The following LRBA variants were observed in gnomAD, a reference collection of about 807,000 sequenced individuals.
The protein encoded by LRBA is LPS responsive beige-like anchor protein.
A neutral mutation model predicts 330.0 loss-of-function variants in LRBA; 176 were observed. The observed-to-expected ratio is 0.53, with a 90% CI of 0.47 to 0.60. LRBA has a LOEUF of 0.60. LRBA is among the 20% of genes least tolerant of loss of function. The pLI is 0.00. For missense variants in LRBA, 3,259 were observed against 3,444.8 expected (o/e 0.95, Z 1.35); for synonymous variants, 1,230 against 1,193.0 (o/e 1.03, Z -0.64).
chr4:150,911,806 G>A (rs970121470), intron 9 of LRBA, among the ~76,000 whole-genome samples: 5 of 152,154 alleles, frequency 3.3e-5, no homozygotes, highest in Non-Finnish European at 7.4e-5. Context: ...ATTCTCCAGT[G>A]AAGCCATCTA....
chr4:150,576,121 T>A lies in LRBA; in HGVS notation c.6330+11927A>T, dbSNP rs1770506112. 2.7e-5 allele frequency among the ~76,000 whole-genome samples: 4 copies of A among 149,182 alleles called. No homozygotes were observed. The South Asian group carries it at 8.4e-4, about 31-fold the overall frequency. Reference sequence around the variant, plus strand: ...TCAAAGTTATTTGGCAGGTAAAATTTAATATTTATCTAATAGTACATTAAT... The same window carrying A: ...TCAAAGTTATTTGGCAGGTAAAATTAAATATTTATCTAATAGTACATTAAT... On this transcript the variant is annotated intron_variant, in intron 40 of 56. Transcript: ENST00000651943.
chr4:150,915,505 TA>T, intron 8 of LRBA, 102 bp downstream of exon 8: 1 of 1,001,310 alleles, frequency 1.0e-6, no homozygotes, highest in Non-Finnish European at 1.4e-6. Context: ...TCTACCATTG[TA>T]ATACTTTGAA....
chr4:150,413,905 C>T (rs1339188715), intron 47 of LRBA, among the ~76,000 whole-genome samples: 2 of 152,074 alleles, frequency 1.3e-5, no homozygotes, highest in Non-Finnish European at 2.9e-5. Flanking sequence ...ACACCTGCCG[C>T]ATTTAAAGGT....
At chr4:150,817,369 T>G in intron 30 of LRBA, 112 bp from the exon 31 acceptor site, 1 of 943,876 alleles carries the variant, frequency 1.1e-6, no homozygotes, top group Non-Finnish European at 1.6e-6. Context: ...ATTTTCTTTC[T>G]TATTTCTATT....
At chr4:150,525,742 G>C (rs1763391986) in intron 40 of LRBA, among the ~76,000 whole-genome samples, 1 of 151,920 alleles carries the variant, frequency 6.6e-6, no homozygotes, top group South Asian at 2.1e-4. Flanking sequence ...TTTTACACTA[G>C]GGAATCTTAT....
rs919446411 is a variant in LRBA, at chr4:150,493,708, C to T, written c.6331-2673G>A. ...TGAGCATTCACTCATTTACTATTAT[C>T]CACCTAGTTTCCATTGGTACTTGAG... On this transcript the variant is annotated intron_variant, in intron 40 of 56. Coordinates refer to ENST00000651943, the MANE Select transcript of LRBA (RefSeq NM_001364905.1). Among the ~76,000 whole-genome samples, 4 of 152,224 alleles carry T rather than the reference C, an allele frequency of 2.6e-5. No individual in the cohort carries two copies. In the South Asian group the frequency reaches 8.3e-4, roughly 32 times the overall value.
chr4:150,279,699 C>T (rs774404827), intron 55 of LRBA, among the ~76,000 whole-genome samples: 3 of 152,132 alleles, frequency 2.0e-5, no homozygotes, highest in Non-Finnish European at 4.4e-5. Context: ...AATAAAAACC[C>T]ATGTGTGGAA....
At chr4:150,822,151 C>T (rs1014713733) in intron 30 of LRBA, among the ~76,000 whole-genome samples, 1 of 151,996 alleles carries the variant, frequency 6.6e-6, no homozygotes, top group Non-Finnish European at 1.5e-5. Context: ...TAAATGAATA[C>T]TAGACATGTT....
rs1235095498 is a variant in LRBA, at chr4:150,599,107, A to G, written c.5946T>C (p.Leu1982=). 2.5e-6 allele frequency: 4 copies of G among 1,614,000 alleles called. No homozygotes were observed. Among genetic ancestry groups the G allele is most frequent in the Admixed American group, 1.7e-5 (1 of 60,018 alleles). The change falls in exon 38 of 57, where the codon CTT becomes CTC. Residue 1982 remains leucine (L), a synonymous_variant. Coordinates refer to ENST00000651943, the MANE Select transcript of LRBA (RefSeq NM_001364905.1). ...GCCGCAAGTCATCTTCCCAGTAGTC[A>G]AGGCGCCAGAACTCAAGAGGACGAC... The part of the protein sequence containing the change: ...AVSRPLEFWR[L]DYWEDDLRRR...
At chr4:150,503,406 G>A (rs1257959277) in intron 40 of LRBA, among the ~76,000 whole-genome samples, 3 of 152,166 alleles carry the variant, frequency 2.0e-5, no homozygotes, top group Non-Finnish European at 4.4e-5. Flanking sequence ...AATATCCGCT[G>A]TTCTGCAGCC....
intron 32 of LRBA, among the ~76,000 whole-genome samples, chr4:150,806,906 G>C (rs1366129178): frequency 6.6e-6 from 1 of 151,996 alleles, no homozygotes; most frequent in African/African-American, 2.4e-5. Flanking sequence ...CTAATGCAAT[G>C]TGAATGATTT....
At chr4:150,466,242 G>A (rs934087368) in intron 44 of LRBA, among the ~76,000 whole-genome samples, 1 of 152,094 alleles carries the variant, frequency 6.6e-6, no homozygotes, top group African/African-American at 2.4e-5. Flanking sequence ...TGGATAGAGA[G>A]TAGGAATTAC....
chr4:150,951,999 AGAG>A (rs1736884685), intron 2 of LRBA, among the ~76,000 whole-genome samples: 1 of 152,262 alleles, frequency 6.6e-6, no homozygotes, highest in African/African-American at 2.4e-5. Context: ...TCAGGAGAAC[AGAG>A]GATATCACAC....
At chr4:150,895,491 T>A (rs1579124575) in intron 16 of LRBA, among the ~76,000 whole-genome samples, 2 of 152,212 alleles carry the variant, frequency 1.3e-5, no homozygotes, top group African/African-American at 4.8e-5. Flanking sequence ...TGTCCATGTG[T>A]TCTCATTGTT....
At chr4:150,773,339 A>G (rs1228090606) in intron 34 of LRBA, among the ~76,000 whole-genome samples, 2 of 152,172 alleles carry the variant, frequency 1.3e-5, no homozygotes, top group Non-Finnish European at 2.9e-5. Context: ...AAAGAAAACG[A>G]CTTCTAGTGG....
intron 35 of LRBA, among the ~76,000 whole-genome samples, chr4:150,756,966 C>A (rs1734393484): frequency 6.6e-6 from 1 of 152,120 alleles, no homozygotes; most frequent in South Asian, 2.1e-4. Flanking sequence ...TATCATAAAA[C>A]ACTCATAAAC....
intron 14 of LRBA, among the ~76,000 whole-genome samples, chr4:150,898,629 C>G (rs1305193108): frequency 7.4e-6 from 1 of 134,858 alleles, no homozygotes; most frequent in Non-Finnish European, 1.6e-5. Context: ...AAAATTTGTT[C>G]CATGTGATTC....
chr4:150,922,943 G>A (rs1733468096), intron 4 of LRBA, among the ~76,000 whole-genome samples: 1 of 152,044 alleles, frequency 6.6e-6, no homozygotes, highest in Non-Finnish European at 1.5e-5. Context: ...TAACTGTCAA[G>A]GTCAGGATGA....
At chr4:150,397,409 C>T (rs1055754124) in intron 47 of LRBA, among the ~76,000 whole-genome samples, 7 of 152,024 alleles carry the variant, frequency 4.6e-5, no homozygotes, top group African/African-American at 1.7e-4. Context: ...TCCCAAGTAG[C>T]TGGGACTACA....
Sources: allele counts gnomAD v4.1 joint callset (sites outside exome capture counted in the v4.1 genomes callset), GRCh38; gene constraint gnomAD v4.1.1; transcripts MANE v1.5; gene names NCBI Gene and HGNC (gene_info 2026-07-23, HGNC 2026-07-21).